B3GALT1: variants seen among roughly 807,000 people sequenced by gnomAD.
B3GALT1 encodes the protein UDP-Gal:betaGlcNAc beta 1,3-galactosyltransferase, polypeptide 1.
A neutral mutation model predicts 23.2 loss-of-function variants in B3GALT1; 10 were observed. That is an observed-to-expected ratio of 0.43 (90% CI 0.27 to 0.73). The LOEUF is 0.73. Ranked by LOEUF, B3GALT1 falls within the 30% of genes least tolerant of loss-of-function variation. B3GALT1 has a pLI of 0.21. For missense variants in B3GALT1, 299 were observed against 405.4 expected (o/e 0.74, Z 2.25); for synonymous variants, 156 against 141.5 (o/e 1.10, Z -0.73).
At chr2:167,626,275 A>G (rs1479357061) in intron 2 of B3GALT1, among the ~76,000 whole-genome samples, 2 of 151,618 alleles carry the variant, frequency 1.3e-5, no homozygotes, top group Non-Finnish European at 3.0e-5. Flanking sequence ...GAAATCTCGA[A>G]TTCTAATCCA....
At chr2:167,842,340 T>C (rs1689667768) in intron 4 of B3GALT1, among the ~76,000 whole-genome samples, 1 of 152,222 alleles carries the variant, frequency 6.6e-6, no homozygotes, top group Admixed American at 6.5e-5. Flanking sequence ...CCCACATCTG[T>C]TCAAGCTGAG....
chr2:167,843,822 T>G (rs1689701000), intron 4 of B3GALT1, among the ~76,000 whole-genome samples: 2 of 152,170 alleles, frequency 1.3e-5, no homozygotes, highest in Non-Finnish European at 1.5e-5. Context: ...GTTGGGAAGT[T>G]ATGACTTTCA....
intron 3 of B3GALT1, among the ~76,000 whole-genome samples, chr2:167,804,624 A>G (rs1231808102): frequency 6.6e-6 from 1 of 152,168 alleles, no homozygotes; most frequent in Non-Finnish European, 1.5e-5. Context: ...GATGGTTTCC[A>G]GCTTCATCCA....
At chr2:167,419,733 G>C (rs895248098) in intron 1 of B3GALT1, among the ~76,000 whole-genome samples, 3 of 152,142 alleles carry the variant, frequency 2.0e-5, no homozygotes, top group Admixed American at 6.5e-5. Flanking sequence ...CTCTGAAAAT[G>C]CACAAAGATA....
At chr2:167,849,854 C>T (rs1216061952) in intron 4 of B3GALT1, among the ~76,000 whole-genome samples, 1 of 146,788 alleles carries the variant, frequency 6.8e-6, no homozygotes, top group Non-Finnish European at 1.5e-5. Context: ...CGCGCCACTG[C>T]ACTCCAGCCC....
intron 1 of B3GALT1, among the ~76,000 whole-genome samples, chr2:167,381,113 G>A (rs1446223260): frequency 6.6e-6 from 1 of 152,114 alleles, no homozygotes; most frequent in Non-Finnish European, 1.5e-5. Context: ...TGTCATCCAG[G>A]CTGGAGTGCA....
At position 167,792,896 on chromosome 2, in the gene B3GALT1, A is replaced by G. The variant is rs571998972; in HGVS notation, c.-351-25776A>G. Among the ~76,000 whole-genome samples the G allele has an allele frequency of 2.3e-3, 341 of 149,684 alleles. 3 individuals are homozygous for G. The highest frequency in any genetic ancestry group is 1.6e-3 in the Non-Finnish European group (107 of 67,630). ...TTTTTTAACTAAGGAGGTCAAATGG[A>G]TAGGATTGGGGAGATGAAGAAGGAG... On this transcript the variant is annotated intron_variant, in intron 3 of 4. Coordinates refer to ENST00000392690, the MANE Select transcript of B3GALT1 (RefSeq NM_020981.4).
chr2:167,387,651 A>G (rs1211844982), intron 1 of B3GALT1, among the ~76,000 whole-genome samples: 3 of 152,222 alleles, frequency 2.0e-5, no homozygotes, highest in African/African-American at 4.8e-5. Flanking sequence ...TGTTACTTGC[A>G]TATTTCATTT....
intron 4 of B3GALT1, among the ~76,000 whole-genome samples, chr2:167,862,552 A>C (rs897633045): frequency 6.6e-6 from 1 of 152,156 alleles, no homozygotes; most frequent in African/African-American, 2.4e-5. Context: ...ACACACCCAG[A>C]AGTAATGTTT....
intron 3 of B3GALT1, among the ~76,000 whole-genome samples, chr2:167,667,542 G>A (rs1558942736): frequency 1.3e-5 from 2 of 152,210 alleles, no homozygotes; most frequent in Non-Finnish European, 2.9e-5. Flanking sequence ...ATCCTGCAGA[G>A]TGTTTTCCAA....
chr2:167,572,447 T>G (rs1478736415), intron 2 of B3GALT1, among the ~76,000 whole-genome samples: 1 of 151,838 alleles, frequency 6.6e-6, no homozygotes, highest in Non-Finnish European at 1.5e-5. Context: ...GAACAGATGC[T>G]TTGCTTCCTT....
intron 3 of B3GALT1, among the ~76,000 whole-genome samples, chr2:167,711,556 A>G (rs1336617015): frequency 6.6e-6 from 1 of 152,248 alleles, no homozygotes; most frequent in Non-Finnish European, 1.5e-5. Context: ...GGTCTAAAAT[A>G]AAATCATTCA....
chr2:167,763,205 G>T (rs761908871), intron 3 of B3GALT1, among the ~76,000 whole-genome samples: 7 of 152,044 alleles, frequency 4.6e-5, no homozygotes, highest in Non-Finnish European at 7.4e-5. Flanking sequence ...CTGAAATGCC[G>T]CAAATGAATA....
rs111227032 is a variant in B3GALT1 at position 167,437,096 on chromosome 2, A to G, written c.-510-53081A>G. ...TCTTTTGGTGAGGGTCTTTCTGGAG[A>G]TGCAAGGTGACAGCTGTGGATTTCT... is the stretch of plus-strand genomic sequence containing the variant. On this transcript the variant is annotated intron_variant, in intron 1 of 4. Transcript: ENST00000392690. 5.3e-5 allele frequency among the ~76,000 whole-genome samples: 8 copies of G among 152,176 alleles called. 1 individual carries two copies. Among genetic ancestry groups the G allele is most frequent in the African/African-American group, 1.9e-4 (8 of 41,524 alleles).
intron 4 of B3GALT1, among the ~76,000 whole-genome samples, chr2:167,831,906 G>T (rs1006821589): frequency 2.0e-5 from 3 of 152,140 alleles, no homozygotes; most frequent in Non-Finnish European, 2.9e-5. Flanking sequence ...GATTTACAGT[G>T]GTAAAACCTG....
chr2:167,732,401 C>A (rs1162303508), intron 3 of B3GALT1, among the ~76,000 whole-genome samples: 1 of 152,196 alleles, frequency 6.6e-6, no homozygotes, highest in African/African-American at 2.4e-5. Context: ...AGTGGTCACT[C>A]CAGACAATTA....
intron 3 of B3GALT1, among the ~76,000 whole-genome samples, chr2:167,749,082 G>A (rs1193613008): frequency 6.6e-5 from 10 of 152,130 alleles, no homozygotes. Flanking sequence ...CCAAGGGTTG[G>A]CCTTAGAACT....
At chr2:167,316,444 G>C (rs773440949) in intron 1 of B3GALT1, among the ~76,000 whole-genome samples, 2 of 152,026 alleles carry the variant, frequency 1.3e-5, no homozygotes, top group Non-Finnish European at 2.9e-5. Flanking sequence ...GCTATCTAAA[G>C]AAGAGTGGTA....
chr2:167,539,137 A>G (rs1281030269), intron 2 of B3GALT1, among the ~76,000 whole-genome samples: 1 of 152,170 alleles, frequency 6.6e-6, no homozygotes, highest in African/African-American at 2.4e-5. Context: ...AGAGTAACAA[A>G]TAGGTTAATT....
Sources: allele counts gnomAD v4.1 joint callset (sites outside exome capture counted in the v4.1 genomes callset), GRCh38; gene constraint gnomAD v4.1.1; transcripts MANE v1.5; gene names NCBI Gene and HGNC (gene_info 2026-07-23, HGNC 2026-07-21).